The following DEPDC5 variants were observed in gnomAD, a reference collection of about 807,000 sequenced individuals.
DEPDC5 encodes GATOR1 complex protein DEPDC5.
Under a neutral mutation model 217.3 loss-of-function variants are expected in DEPDC5, and 73 were observed. The ratio of observed to expected loss-of-function variants is 0.34; its 90% CI spans 0.28 to 0.41. The LOEUF (loss-of-function observed/expected upper bound fraction) is 0.41. Among genes scored for constraint, DEPDC5 ranks in the 10% least tolerant of loss-of-function variants. The pLI is 1.00. For synonymous variants in DEPDC5, 733 were observed against 756.7 expected, an observed-to-expected ratio of 0.97 and a Z score of 0.51; for missense variants, 1,675 against 2,070.1, an observed-to-expected ratio of 0.81 and a Z score of 3.70.
chr22:31,882,493 C>T (rs933252798), intron 38 of DEPDC5, among the ~76,000 whole-genome samples: 11 of 152,136 alleles, frequency 7.2e-5, no homozygotes, highest in Admixed American at 2.0e-4. Flanking sequence ...CAAATAAATG[C>T]CACGAATCCA....
Position 31,870,613 on chromosome 22 carries a change from T to C in DEPDC5, c.3354T>C (p.Thr1118=). Residue 1118 remains threonine, a synonymous_variant, in exon 34 of 43, where the codon ACT becomes ACC. Coordinates refer to ENST00000651528, the MANE Select transcript of DEPDC5 (RefSeq NM_001242896.3). ...YPQVSVDQTA[T]PMLDGTSLGI... ...AGGTATCTGTGGACCAAACAGCCAC[T>C]CCTATGTTGGACGGCACCAGTTTGG... is the stretch of plus-strand genomic sequence containing the variant. The C allele has an allele frequency of 6.4e-7, 1 of 1,566,724 alleles. No individual in the cohort carries two copies. The highest frequency in any genetic ancestry group is 2.4e-5 in the East Asian group (1 of 42,500).
intron 38 of DEPDC5, among the ~76,000 whole-genome samples, chr22:31,886,952 G>A (rs1034653074): frequency 2.0e-5 from 3 of 150,346 alleles, no homozygotes; most frequent in East Asian, 4.0e-4. Flanking sequence ...GCGTGGTGGC[G>A]TGTGCCTGTA....
At chr22:31,821,260 A>T (rs1407919991) in intron 22 of DEPDC5, among the ~76,000 whole-genome samples, 1 of 152,240 alleles carries the variant, frequency 6.6e-6, no homozygotes, top group Non-Finnish European at 1.5e-5. Context: ...GACACACCTG[A>T]GGCAGAATAT....
At chr22:31,837,920 C>G (rs2148960623) in intron 26 of DEPDC5, among the ~76,000 whole-genome samples, 1 of 151,924 alleles carries the variant, frequency 6.6e-6, no homozygotes, top group Non-Finnish European at 1.5e-5. Flanking sequence ...CCAGGCTGGT[C>G]TCGAACTCAT....
At chr22:31,845,825 C>T (rs1451482970) in intron 30 of DEPDC5, among the ~76,000 whole-genome samples, 1 of 151,240 alleles carries the variant, frequency 6.6e-6, no homozygotes, top group Admixed American at 6.6e-5. Context: ...ATTCATGCAA[C>T]CATCACCATC....
chr22:31,895,324 T>TA (rs1434789983), intron 39 of DEPDC5, among the ~76,000 whole-genome samples: 1 of 152,084 alleles, frequency 6.6e-6, no homozygotes, highest in East Asian at 1.9e-4. Flanking sequence ...AGCCCTGTTT[T>TA]AACTGGTCTT....
intron 18 of DEPDC5, 115 bp downstream of exon 18, chr22:31,806,306 C>T: frequency 1.2e-6 from 1 of 867,770 alleles, no homozygotes. Flanking sequence ...GGATTACAGA[C>T]ATGAGCCATT....
chr22:31,861,608 G>A (rs762288622), intron 33 of DEPDC5, among the ~76,000 whole-genome samples, 175 bp downstream of exon 33: 11 of 152,156 alleles, frequency 7.2e-5, no homozygotes, highest in African/African-American at 1.4e-4. Context: ...GGCGGCGAAG[G>A]GGGGGATGGA....
intron 40 of DEPDC5, among the ~76,000 whole-genome samples, chr22:31,901,282 A>G (rs527796139): frequency 6.6e-6 from 1 of 151,962 alleles, no homozygotes; most frequent in South Asian, 2.1e-4. Flanking sequence ...ATAGTGGTGC[A>G]TGTCTGTGGT....
chr22:31,754,351 A>G (rs1384873636), intron 1 of DEPDC5, among the ~76,000 whole-genome samples, 187 bp downstream of exon 1: 1 of 152,234 alleles, frequency 6.6e-6, no homozygotes, highest in South Asian at 2.1e-4. Context: ...GAGAGTTCGC[A>G]CAGACCGAGG....
chr22:31,760,832 T>C, intron 4 of DEPDC5, 130 bp downstream of exon 4: 1 of 761,398 alleles, frequency 1.3e-6, no homozygotes, highest in Non-Finnish European at 2.1e-6. Flanking sequence ...TTAATTTAAC[T>C]TTCAATTCAG....
chr22:31,817,448 A>G lies in DEPDC5; in HGVS notation c.1667-1574A>G, dbSNP rs142846015. On this transcript the variant is annotated intron_variant, in intron 21 of 42. Transcript: ENST00000651528. ...TCATATACTTGGTGGCTTTTTATAT[A>G]TGCATACCCTTGATGGCCTGAGCAG... 2,081 of 481,356 alleles carry G rather than the reference A, an allele frequency of 4.3e-3. 19 individuals carry two copies. The highest frequency in any genetic ancestry group is 0.029 in the African/African-American group (1,439 of 49,704). The allele number at this position is 481,356 out of a possible 1,614,324, so 29.8% of individuals were successfully genotyped here.
At chr22:31,893,870 G>A (rs1006703596) in intron 39 of DEPDC5, 119 bp downstream of exon 39, 46 of 1,149,418 alleles carry the variant, frequency 4.0e-5, no homozygotes, top group Non-Finnish European at 4.5e-5. Flanking sequence ...ACCATTCATC[G>A]GGACTATTGG....
At position 31,861,356 on chromosome 22, in the gene DEPDC5, C is replaced by T. The variant is rs1469187639; in HGVS notation, c.3265-12C>T. The stretch of plus-strand genomic sequence containing the variant: ...CAACTGCTGCTGCTGCTTCCTCCTC[C>T]TGTGACTTCAGGACGGGGCCTTCTT... On this transcript the variant is annotated splice_polypyrimidine_tract_variant and intron_variant, in intron 32 of 42. Coordinates refer to ENST00000651528, the MANE Select transcript of DEPDC5 (RefSeq NM_001242896.3). 11 of 1,551,352 alleles carry T rather than the reference C, an allele frequency of 7.1e-6. No homozygotes were observed. Among genetic ancestry groups the T allele is most frequent in the Non-Finnish European group, 8.7e-6 (10 of 1,146,876 alleles).
chr22:31,878,335 T>C (rs1218184357), intron 37 of DEPDC5, among the ~76,000 whole-genome samples: 1 of 152,186 alleles, frequency 6.6e-6, no homozygotes, highest in Non-Finnish European at 1.5e-5. Context: ...ATTTGACCAG[T>C]AGATACCTAT....
chr22:31,891,875 C>T (rs2093444987), intron 38 of DEPDC5, among the ~76,000 whole-genome samples: 2 of 152,164 alleles, frequency 1.3e-5, no homozygotes, highest in Admixed American at 1.3e-4. Flanking sequence ...ATTTTAGGGC[C>T]TTAGCCTGGT....
chr22:31,903,306 C>T (rs2093686929), intron 41 of DEPDC5, among the ~76,000 whole-genome samples: 1 of 62,544 alleles, frequency 1.6e-5, no homozygotes, highest in Non-Finnish European at 3.2e-5. Flanking sequence ...ACCTTCCACA[C>T]GTAAACCCCC....
intron 38 of DEPDC5, chr22:31,891,174 CTG>C (rs1459590761): frequency 1.9e-6 from 1 of 530,408 alleles, no homozygotes; most frequent in African/African-American, 2.0e-5. Flanking sequence ...CTTCTTTAAA[CTG>C]TCAAGTACTA....
chr22:31,822,583 ATTCAGGCCTGATT>A, intron 23 of DEPDC5, 97 bp from the exon 24 acceptor site: 1 of 1,000,072 alleles, frequency 1.0e-6, no homozygotes. Flanking sequence ...TTGGCTGAAT[ATTCAGGCCTGATT>A]TTTATGAACC....
Sources: gnomAD v4.1 joint callset for allele counts (sites outside exome capture counted in the v4.1 genomes callset) on GRCh38, gnomAD v4.1.1 for gene constraint, MANE v1.5 for transcripts, NCBI Gene and HGNC (gene_info 2026-07-23, HGNC 2026-07-21) for gene names.